COL11A1: variants seen among roughly 807,000 people sequenced by gnomAD.
COL11A1 encodes the protein collagen alpha-1(XI) chain.
In COL11A1, 74 loss-of-function variants were observed where a neutral mutation model predicts 265.2. The ratio of observed to expected loss-of-function variants is 0.28; its 90% CI spans 0.23 to 0.34. The LOEUF is 0.34. Ranked by LOEUF, COL11A1 falls within the 10% of genes least tolerant of loss-of-function variation. The probability of loss-of-function intolerance (pLI) is 1.00; values close to 1 mark genes in which losing one functional copy is unlikely to be tolerated. For missense variants in COL11A1, 2,165 were observed against 2,263.6 expected, an observed-to-expected ratio of 0.96 and a Z score of 0.88; for synonymous variants, 816 against 727.6, an observed-to-expected ratio of 1.12 and a Z score of -1.96.
At chr1:103,098,424 T>C (rs1384212474) in intron 1 of COL11A1, among the ~76,000 whole-genome samples, 1 of 151,932 alleles carries the variant, frequency 6.6e-6, no homozygotes, top group Non-Finnish European at 1.5e-5. Flanking sequence ...ACATTATCTA[T>C]GAAACTTTAT....
At chr1:102,904,238 G>T (rs1265320211) in intron 54 of COL11A1, among the ~76,000 whole-genome samples, 2 of 152,146 alleles carry the variant, frequency 1.3e-5, no homozygotes, top group Non-Finnish European at 2.9e-5. Context: ...ATGGATTAAA[G>T]ACTTAAATGT....
chr1:102,929,622 TG>T (rs1258275491), intron 46 of COL11A1, among the ~76,000 whole-genome samples: 1 of 152,166 alleles, frequency 6.6e-6, no homozygotes, highest in Non-Finnish European at 1.5e-5. Flanking sequence ...TTTCCAATTC[TG>T]TGAAGAAAGG....
intron 4 of COL11A1, 109 bp downstream of exon 4, chr1:103,074,509 G>A: frequency 8.0e-7 from 1 of 1,246,398 alleles, no homozygotes; most frequent in Non-Finnish European, 1.1e-6. Flanking sequence ...ACCCTTTAGA[G>A]TTTTCAACTT....
intron 4 of COL11A1, among the ~76,000 whole-genome samples, chr1:103,054,456 C>T (rs1413438990): frequency 6.6e-6 from 1 of 152,098 alleles, no homozygotes; most frequent in Admixed American, 6.5e-5. Context: ...TTGAAGGCTT[C>T]TTTAAAATAA....
chr1:103,082,762 A>C (rs762967762), intron 2 of COL11A1, 43 bp downstream of exon 2: 21 of 1,514,946 alleles, frequency 1.4e-5, no homozygotes, highest in Non-Finnish European at 1.8e-5. Context: ...AAGTGTAATA[A>C]CTTTTAGTAA....
intron 9 of COL11A1, among the ~76,000 whole-genome samples, chr1:103,019,070 T>C (rs1571052931): frequency 2.0e-5 from 3 of 152,270 alleles, no homozygotes; most frequent in Admixed American, 2.0e-4. Context: ...AATGTGTGAA[T>C]TAAGTGGAGT....
intron 9 of COL11A1, among the ~76,000 whole-genome samples, chr1:103,020,143 A>G (rs1295285180): frequency 6.6e-6 from 1 of 152,034 alleles, no homozygotes; most frequent in African/African-American, 2.4e-5. Context: ...TTCTAGTTTT[A>G]GATCCCTGAG....
At chr1:102,927,836 G>A (rs958816181) in intron 46 of COL11A1, among the ~76,000 whole-genome samples, 3 of 151,986 alleles carry the variant, frequency 2.0e-5, no homozygotes, top group South Asian at 2.1e-4. Context: ...TTAAATGATC[G>A]ACTTAATTTA....
At chr1:102,954,849 T>TAAA (rs144235911) in intron 41 of COL11A1, among the ~76,000 whole-genome samples, 1 of 140,014 alleles carries the variant, frequency 7.1e-6, no homozygotes, top group African/African-American at 2.8e-5. Flanking sequence ...CCTCTTGAAA[T>TAAA]AAAAAAAAAA....
intron 1 of COL11A1, among the ~76,000 whole-genome samples, chr1:103,087,529 T>C (rs1268763830): frequency 6.6e-6 from 1 of 152,148 alleles, no homozygotes; most frequent in Non-Finnish European, 1.5e-5. Flanking sequence ...CACTCTAAGC[T>C]CACTGAATGT....
chr1:103,024,354 C>T (rs1267995271), intron 7 of COL11A1, among the ~76,000 whole-genome samples: 1 of 152,068 alleles, frequency 6.6e-6, no homozygotes, highest in Non-Finnish European at 1.5e-5. Flanking sequence ...CTTATCTTGC[C>T]AATTTGTAAA....
intron 25 of COL11A1, 84 bp from the exon 26 acceptor site, chr1:102,997,208 A>G (rs1369739404): frequency 5.9e-6 from 7 of 1,189,134 alleles, no homozygotes; most frequent in African/African-American, 1.5e-5. Flanking sequence ...TTGTTATTAA[A>G]TCTACTAAGA....
At chr1:102,952,517 A>C (rs10747433) in intron 41 of COL11A1, among the ~76,000 whole-genome samples, 143,386 of 152,298 alleles carry the variant, frequency 0.94, 67,649 homozygotes, top group East Asian at 1. Context: ...AAATTAGTGT[A>C]GAGAATATAT....
chr1:103,029,726 T>C (rs140428057), intron 5 of COL11A1, among the ~76,000 whole-genome samples: 10 of 152,134 alleles, frequency 6.6e-5, no homozygotes, highest in African/African-American at 1.9e-4. Context: ...AACAGAATGT[T>C]AAATATACAT....
At chr1:102,880,220 G>A (rs1650058282) in intron 65 of COL11A1, among the ~76,000 whole-genome samples, 1 of 151,878 alleles carries the variant, frequency 6.6e-6, no homozygotes, top group African/African-American at 2.4e-5. Flanking sequence ...TCCAAGAAAT[G>A]TTTCAATATA....
chr1:103,056,312 A>G (rs1266300310), intron 4 of COL11A1, among the ~76,000 whole-genome samples: 1 of 152,198 alleles, frequency 6.6e-6, no homozygotes, highest in African/African-American at 2.4e-5. Flanking sequence ...AGCATGTGTA[A>G]CAGACCCAAA....
At chr1:103,093,414 G>A (rs1478355256) in intron 1 of COL11A1, among the ~76,000 whole-genome samples, 1 of 152,046 alleles carries the variant, frequency 6.6e-6, no homozygotes, top group Non-Finnish European at 1.5e-5. Context: ...GTTTTTTCAT[G>A]CATATGAAAC....
intron 1 of COL11A1, among the ~76,000 whole-genome samples, chr1:103,087,225 C>T (rs933986612): frequency 6.6e-6 from 1 of 152,156 alleles, no homozygotes; most frequent in African/African-American, 2.4e-5. Flanking sequence ...GTATCCAATT[C>T]AGCACAATGT....
chr1:103,108,136 A>G lies in COL11A1; in HGVS notation c.43T>C (p.Trp15Arg). The G allele has an allele frequency of 6.2e-7, 1 of 1,613,828 alleles. No homozygotes were observed. Among genetic ancestry groups the G allele is most frequent in the Non-Finnish European group, 8.5e-7 (1 of 1,179,974 alleles). Residue 15 changes from tryptophan (W) to arginine (R), a missense_variant, in exon 1 of 67, where the codon TGG (tryptophan) becomes CGG (arginine). Coordinates refer to ENST00000370096, the MANE Select transcript of COL11A1 (RefSeq NM_001854.4). Reference sequence around the variant, plus strand: ...GCGAGGGTTGTTACGGTGAAATCCCAGAGCCACCGTTTCGTTTTCCACCTA... The same window carrying G: ...GCGAGGGTTGTTACGGTGAAATCCCGGAGCCACCGTTTCGTTTTCCACCTA... ...SSRWKTKRWL[W>R]DFTVTTLALT... is the part of the protein sequence containing the mutation.
Sources: allele counts gnomAD v4.1 joint callset (sites outside exome capture counted in the v4.1 genomes callset), GRCh38; gene constraint gnomAD v4.1.1; transcripts MANE v1.5; gene names NCBI Gene and HGNC (gene_info 2026-07-23, HGNC 2026-07-21).